The following CEP290 variants were observed in gnomAD, a reference collection of about 807,000 sequenced individuals.
CEP290 encodes the protein centrosomal protein 290.
In CEP290, 317 loss-of-function variants were observed where a neutral mutation model predicts 344.9. The ratio of observed to expected loss-of-function variants is 0.92; its 90% CI spans 0.84 to 1.01. CEP290 has a LOEUF of 1.01. Ranked by LOEUF, CEP290 falls within the 50% of genes least tolerant of loss-of-function variation. The probability of loss-of-function intolerance (pLI) is 0.00; values close to 1 mark genes in which losing one functional copy is unlikely to be tolerated. For missense variants in CEP290, 2,754 were observed against 2,761.4 expected (o/e 1.00, Z 0.06); for synonymous variants, 932 against 895.8 (o/e 1.04, Z -0.72).
chr12:88,137,119 T>G (rs1351819584), intron 5 of CEP290, among the ~76,000 whole-genome samples: 1 of 151,980 alleles, frequency 6.6e-6, no homozygotes, highest in East Asian at 1.9e-4. Flanking sequence ...GTACAAACCA[T>G]CAGAATCTCC....
intron 23 of CEP290, 57 bp from the exon 24 acceptor site, chr12:88,107,155 G>A (rs2038346353): frequency 1.8e-6 from 2 of 1,101,068 alleles, no homozygotes; most frequent in Admixed American, 6.4e-5. Flanking sequence ...ATGTTTATAA[G>A]AAAAGATAAC....
chr12:88,105,513 T>C (rs936366367), intron 25 of CEP290, among the ~76,000 whole-genome samples: 1 of 152,222 alleles, frequency 6.6e-6, no homozygotes, highest in Non-Finnish European at 1.5e-5. Context: ...AAACGCTATT[T>C]ATTTTACAAA....
Position 88,080,172 on chromosome 12 carries a change from T to A in CEP290, c.5226+10A>T. On this transcript the variant is annotated intron_variant, in intron 38 of 53. Transcript: ENST00000552810. The stretch of plus-strand genomic sequence containing the variant: ...TTCCTAAATGTTGATAATTTTCTGT[T>A]GTTACTTACTTTCTGTTGTTTCTCC... The A allele has an allele frequency of 6.4e-7, 1 of 1,556,776 alleles. No individual in the cohort carries two copies. The highest frequency in any genetic ancestry group is 8.7e-7 in the Non-Finnish European group (1 of 1,144,506).
intron 46 of CEP290, among the ~76,000 whole-genome samples, chr12:88,061,926 G>A (rs1316671348): frequency 6.6e-6 from 1 of 152,006 alleles, no homozygotes; most frequent in East Asian, 1.9e-4. Context: ...TTACAGGCAT[G>A]AGCCACCATG....
rs1257171303 is a variant in CEP290 at position 88,140,962 on chromosome 12, T to C, written c.174A>G (p.Leu58=). 1.3e-6 allele frequency: 2 copies of C among 1,584,550 alleles called. No homozygotes were observed. Among genetic ancestry groups the C allele is most frequent in the South Asian group, 2.4e-5 (2 of 83,676 alleles). Reference sequence around the variant, plus strand: ...AAACCTACTACATACAAACCTTCATTAGTGACTGAGTAATTCTGAAAAGGT... The same window carrying C: ...AAACCTACTACATACAAACCTTCATCAGTGACTGAGTAATTCTGAAAAGGT... ...VIHLFRITQS[L]MKMKAQEVEL... is the part of the protein sequence containing the mutation. Residue 58 remains leucine (L), a synonymous_variant, in exon 3 of 54, where the codon CTA becomes CTG. Transcript: ENST00000552810.
rs1049569883 is a variant in CEP290 at position 88,093,801 on chromosome 12, C to T, written c.3278G>A (p.Arg1093His). Residue 1093 changes from arginine (R) to histidine (H), a missense_variant, in exon 28 of 54, where the codon CGT becomes CAT. Physicochemically the swap from Arg to His is conservative, Grantham distance 29 (BLOSUM62 0). Coordinates refer to ENST00000552810, the MANE Select transcript of CEP290 (RefSeq NM_025114.4). The part of the protein sequence containing the change: ...LRTSLKQMEE[R>H]NFELETKFAE... ...AAATTTGGTTTCCAATTCAAAATTA[C>T]GTTCCTCCATTTGCTTTAACGAAGT... is the stretch of plus-strand genomic sequence containing the variant. 5.6e-6 allele frequency: 9 copies of T among 1,610,926 alleles called. No homozygotes were observed. The highest frequency in any genetic ancestry group is 2.2e-5 in the East Asian group (1 of 44,790).
intron 35 of CEP290, 95 bp downstream of exon 35, chr12:88,084,491 C>G: frequency 8.9e-7 from 1 of 1,119,836 alleles, no homozygotes; most frequent in Non-Finnish European, 1.3e-6. Flanking sequence ...CATTTGAAAG[C>G]AAGAAAAGAA....
Position 88,058,903 on chromosome 12 carries a change from C to G in CEP290, c.6763G>C (p.Gly2255Arg), listed in dbSNP as rs1248567520. The G allele has an allele frequency of 6.2e-7, 1 of 1,613,824 alleles. No individual in the cohort carries two copies. Among genetic ancestry groups the G allele is most frequent in the Non-Finnish European group, 8.5e-7 (1 of 1,179,892 alleles). Residue 2255 changes from glycine to arginine, a missense_variant, in exon 49 of 54, where the codon GGT becomes CGT. By Grantham distance (125) the Gly-to-Arg change is moderately radical (BLOSUM62 -2). Coordinates refer to ENST00000552810, the MANE Select transcript of CEP290 (RefSeq NM_025114.4). ...GKRLQFAESR[G>R]PQLEGADSKS... is the part of the protein sequence containing the mutation. Reference sequence around the variant, plus strand: ...CTGTCAGCACCTTCAAGCTGTGGACCTCTGCTTTCTGCAAACTGCAATCTC... The same window carrying G: ...CTGTCAGCACCTTCAAGCTGTGGACGTCTGCTTTCTGCAAACTGCAATCTC...
intron 41 of CEP290, among the ~76,000 whole-genome samples, chr12:88,075,637 G>T (rs548055308): frequency 1.2e-4 from 19 of 152,180 alleles, no homozygotes; most frequent in African/African-American, 4.6e-4. Flanking sequence ...AGGCACAGGG[G>T]TGGGTTTTGT....
chr12:88,058,977 A>G lies in CEP290; in HGVS notation c.6689T>C (p.Leu2230Ser). ...TGTCATCTTCTCATTTAATATCTCTAAATTATTCTTTGCTATCCGTAATTT... is the reference window on the plus strand; with the variant it reads ...TGTCATCTTCTCATTTAATATCTCTGAATTATTCTTTGCTATCCGTAATTT... ...AEKLRIAKNN[L>S]EILNEKMTVQ... The change falls in exon 49 of 54, where the codon TTA becomes TCA. Residue 2230 changes from leucine (L) to serine (S), a missense_variant. Leu to Ser is a moderately radical substitution (Grantham distance 145). Transcript: ENST00000552810. The G allele has an allele frequency of 1.2e-6, 2 of 1,612,892 alleles. No individual in the cohort carries two copies. Among genetic ancestry groups the G allele is most frequent in the Non-Finnish European group, 1.7e-6 (2 of 1,179,530 alleles).
intron 31 of CEP290, among the ~76,000 whole-genome samples, chr12:88,088,548 A>T (rs946782900): frequency 6.6e-6 from 1 of 152,184 alleles, no homozygotes. Flanking sequence ...AGAAAAGCCT[A>T]ATTTTATTTT....
At chr12:88,057,800 G>C (rs999544415) in intron 49 of CEP290, 1 of 152,226 alleles carries the variant, frequency 6.6e-6, no homozygotes, top group African/African-American at 2.4e-5. Flanking sequence ...TGTGGGACTT[G>C]CTGTAGCCTC....
chr12:88,109,546 G>T (rs945922370), intron 22 of CEP290, among the ~76,000 whole-genome samples: 2 of 152,082 alleles, frequency 1.3e-5, no homozygotes, highest in East Asian at 3.8e-4. Context: ...AGATGAAATT[G>T]AAATTTAAAT....
chr12:88,106,698 T>G lies in CEP290; in HGVS notation c.2794A>C (p.Ile932Leu). ...ACCTTAAATCTTTGCAAACACCCAATTTTTTCACAAACTTCAGCCTCCATT... is the reference window on the plus strand; with the variant it reads ...ACCTTAAATCTTTGCAAACACCCAAGTTTTTCACAAACTTCAGCCTCCATT... ...LSMEAEVCEK[I>L]GCLQRFKEMA... is the part of the protein sequence containing the mutation. Residue 932 changes from isoleucine to leucine, a missense_variant, in exon 25 of 54, where the codon ATT becomes CTT. Coordinates refer to ENST00000552810, the MANE Select transcript of CEP290 (RefSeq NM_025114.4). 1.2e-6 allele frequency: 2 copies of G among 1,608,158 alleles called. No homozygotes were observed. Among genetic ancestry groups the G allele is most frequent in the Non-Finnish European group, 1.7e-6 (2 of 1,178,080 alleles).
chr12:88,134,876 T>C (rs1324203086), intron 6 of CEP290, among the ~76,000 whole-genome samples: 4 of 152,182 alleles, frequency 2.6e-5, no homozygotes, highest in Non-Finnish European at 4.4e-5. Context: ...GCAAATGCTA[T>C]ATCTTCTACC....
At position 88,049,231 on chromosome 12, in the gene CEP290, C is replaced by CTG. The variant is rs757255407; in HGVS notation, c.7392_7393insCA (p.Glu2465GlnfsTer21). 48 of 1,608,484 alleles carry CTG rather than the reference C, an allele frequency of 3.0e-5. No homozygotes were observed. The African/African-American group carries it at 5.2e-4, about 17-fold the overall frequency. ...GGACTTTCTTCTTCATCTTCAAACT[C>CTG]TTCAGAAGCAGCAACAGGGCTAGTT... On this transcript the variant is annotated frameshift_variant, in exon 54 of 54. Transcript: ENST00000552810. LOFTEE classifies it high-confidence loss of function.
intron 36 of CEP290, 57 bp from the exon 37 acceptor site, chr12:88,083,287 C>A: frequency 3.1e-6 from 3 of 972,408 alleles, no homozygotes; most frequent in South Asian, 5.9e-5. Context: ...CATACTTATT[C>A]CATATTTTTA....
chr12:88,080,341 AT>A lies in CEP290; in HGVS notation c.5066del (p.Asp1689ValfsTer2). 1 of 1,613,306 alleles carries A rather than the reference AT, an allele frequency of 6.2e-7. No individual in the cohort carries two copies. The highest frequency in any genetic ancestry group is 8.5e-7 in the Non-Finnish European group (1 of 1,179,462). On this transcript the variant is annotated frameshift_variant, in exon 38 of 54. Transcript: ENST00000552810. LOFTEE classifies it high-confidence loss of function. ...GTGACTGGTCCAGAAGATACTTTAA[AT>A]CCTCTACTTCCGCTTTTACTTTTTT... The part of the protein sequence containing the change: ...EVKKVKAEVE[D>X]LKYLLDQSQK...
chr12:88,130,225 T>A (rs763928220), intron 9 of CEP290, 43 bp downstream of exon 9: 1 of 1,537,944 alleles, frequency 6.5e-7, no homozygotes, highest in South Asian at 1.3e-5. Flanking sequence ...GAAATTAAAG[T>A]TTTTAGGAAC....
Sources: gnomAD v4.1 joint callset for allele counts (sites outside exome capture counted in the v4.1 genomes callset) on GRCh38, gnomAD v4.1.1 for gene constraint, MANE v1.5 for transcripts, NCBI Gene and HGNC (gene_info 2026-07-23, HGNC 2026-07-21) for gene names.